The following SPECC1 variants were observed in gnomAD, a reference collection of about 807,000 sequenced individuals.
The protein encoded by SPECC1 is cytospin-B.
A neutral mutation model predicts 104.1 loss-of-function variants in SPECC1; 62 were observed. The observed-to-expected ratio is 0.60, with a 90% CI of 0.49 to 0.74. SPECC1 has a LOEUF of 0.74. SPECC1 is among the 30% of genes least tolerant of loss of function. The pLI is 0.00. For synonymous variants in SPECC1, 513 were observed against 501.6 expected, an observed-to-expected ratio of 1.02 and a Z score of -0.30; for missense variants, 1,306 against 1,310.5, an observed-to-expected ratio of 1.00 and a Z score of 0.05.
intron 7 of SPECC1, among the ~76,000 whole-genome samples, chr17:20,240,060 A>AATTTT (rs1346205628): frequency 1.2e-4 from 4 of 32,180 alleles, no homozygotes; most frequent in Non-Finnish European, 2.1e-4. Flanking sequence ...TGTCCAGCTA[A>AATTTT]TTTTTTTTTT....
At chr17:20,156,095 C>T (rs1345830766) in intron 3 of SPECC1, 9 of 1,351,048 alleles carry the variant, frequency 6.7e-6, no homozygotes, top group Admixed American at 7.9e-5. Flanking sequence ...GGAGCGGACC[C>T]GCCGGACGCA....
At chr17:20,298,948 A>AGAGAGAGAGTGTGTGTGTGTGT in intron 13 of SPECC1, among the ~76,000 whole-genome samples, 19 of 49,056 alleles carry the variant, frequency 3.9e-4, no homozygotes, top group African/African-American at 8.3e-4. Context: ...AGAGAGAGAG[A>AGAGAGAGAGTGTGTGTGTGTGT]GTGTGTGTGT....
At chr17:20,095,468 G>A (rs911049163) in intron 1 of SPECC1, among the ~76,000 whole-genome samples, 3 of 152,216 alleles carry the variant, frequency 2.0e-5, no homozygotes, top group Admixed American at 2.0e-4. Context: ...CTGGACACAC[G>A]CCACCAGCTG....
At chr17:20,145,754 T>A (rs2031393750) in intron 3 of SPECC1, among the ~76,000 whole-genome samples, 2 of 152,262 alleles carry the variant, frequency 1.3e-5, no homozygotes, top group South Asian at 4.1e-4. Flanking sequence ...ACAGGCCACC[T>A]TCTCTCAGGG....
chr17:20,104,144 C>T (rs1438596483), intron 2 of SPECC1, among the ~76,000 whole-genome samples: 1 of 152,114 alleles, frequency 6.6e-6, no homozygotes, highest in Non-Finnish European at 1.5e-5. Flanking sequence ...TTGACATTTA[C>T]CCTGGGCCCT....
rs1430250718 is a variant in SPECC1, at chr17:20,302,771, C to T, written c.3058-3252C>T. Among the ~76,000 whole-genome samples, 4 of 111,280 alleles carry T rather than the reference C, an allele frequency of 3.6e-5. No homozygotes were observed. In the East Asian group the frequency reaches 1.0e-3, roughly 28 times the overall value. 73.0% of individuals were successfully genotyped at this position (111,280 alleles called of 152,430 possible). A position where few individuals can be genotyped will look rare whatever the true frequency, so the allele number is the denominator to read the frequency against. ...CATGCAGCACACTGTGAAAACACAG[C>T]GGTGCCAGGCGTTGTGGCAACATGC... On this transcript the variant is annotated intron_variant, in intron 13 of 14. Coordinates refer to ENST00000395527, the MANE Select transcript of SPECC1 (RefSeq NM_001243439.2).
At chr17:20,071,697 G>C (rs2046560561) in intron 1 of SPECC1, among the ~76,000 whole-genome samples, 1 of 152,074 alleles carries the variant, frequency 6.6e-6, no homozygotes, top group African/African-American at 2.4e-5. Context: ...AGATGCTATT[G>C]TAAGTAGGAT....
chr17:20,107,018 G>A (rs568079974), intron 2 of SPECC1, among the ~76,000 whole-genome samples: 1 of 151,442 alleles, frequency 6.6e-6, no homozygotes, highest in South Asian at 2.1e-4. Context: ...TCAGCCAGGT[G>A]TGGAGGCACA....
chr17:20,306,121 G>A, intron 14 of SPECC1, 39 bp downstream of exon 14: 1 of 1,579,224 alleles, frequency 6.3e-7, no homozygotes. Flanking sequence ...TACTTTAATT[G>A]TATGAGAAAT....
chr17:20,246,355 T>C (rs770697046), intron 8 of SPECC1, among the ~76,000 whole-genome samples: 1 of 152,224 alleles, frequency 6.6e-6, no homozygotes. Flanking sequence ...CTGCCTCTCA[T>C]AGCCATTAAA....
chr17:20,105,954 G>T (rs1417738559), intron 2 of SPECC1, among the ~76,000 whole-genome samples: 1 of 152,150 alleles, frequency 6.6e-6, no homozygotes, highest in African/African-American at 2.4e-5. Flanking sequence ...GGATTTCCTG[G>T]TTTATTCTGG....
At chr17:20,156,844 G>A (rs1285481495) in intron 3 of SPECC1, among the ~76,000 whole-genome samples, 1 of 152,164 alleles carries the variant, frequency 6.6e-6, no homozygotes, top group Non-Finnish European at 1.5e-5. Context: ...AGAGTTAGAT[G>A]CCGATAAGCA....
At chr17:20,044,857 T>G (rs2045475295) in intron 1 of SPECC1, among the ~76,000 whole-genome samples, 1 of 152,198 alleles carries the variant, frequency 6.6e-6, no homozygotes, top group South Asian at 2.1e-4. Flanking sequence ...GGATAGAACC[T>G]AAAAGGAAAG....
At chr17:20,211,765 T>G (rs1036607961) in intron 4 of SPECC1, among the ~76,000 whole-genome samples, 3 of 152,248 alleles carry the variant, frequency 2.0e-5, no homozygotes, top group Non-Finnish European at 4.4e-5. Flanking sequence ...ACAGAACCTG[T>G]GGCTCCGACC....
chr17:20,247,314 A>G lies in SPECC1; in HGVS notation c.2593A>G (p.Met865Val), dbSNP rs775048264. 3.8e-5 allele frequency: 62 copies of G among 1,610,848 alleles called. 1 individual carries two copies. The highest frequency in any genetic ancestry group is 3.3e-4 in the Admixed American group (20 of 59,882). Residue 865 changes from methionine to valine, a missense_variant, in exon 9 of 15, where the codon ATG (methionine) becomes GTG (valine). Coordinates refer to ENST00000395527, the MANE Select transcript of SPECC1 (RefSeq NM_001243439.2). The part of the protein sequence containing the change: ...RTAPAAAVSP[M>V]QRHSTYSSVR... Reference sequence around the variant, plus strand: ...TGCTCCAGCAGCTGCTGTCTCTCCAATGCAGGTAGATGAGCCCCAGAAATA... The same window carrying G: ...TGCTCCAGCAGCTGCTGTCTCTCCAGTGCAGGTAGATGAGCCCCAGAAATA...
At chr17:20,083,844 G>A (rs2047073954) in intron 1 of SPECC1, among the ~76,000 whole-genome samples, 1 of 152,202 alleles carries the variant, frequency 6.6e-6, no homozygotes, top group Admixed American at 6.5e-5. Context: ...ATTTCCGCCA[G>A]CAATGTATTA....
intron 12 of SPECC1, among the ~76,000 whole-genome samples, chr17:20,267,061 T>C (rs527933949): frequency 6.6e-6 from 1 of 152,162 alleles, no homozygotes; most frequent in East Asian, 1.9e-4. Flanking sequence ...TGGCCCAGGA[T>C]TGAGACCCAG....
At chr17:20,307,561 G>A (rs2041805047) in intron 14 of SPECC1, among the ~76,000 whole-genome samples, 2 of 152,220 alleles carry the variant, frequency 1.3e-5, no homozygotes, top group African/African-American at 4.8e-5. Context: ...AGCTGCAAGG[G>A]CATTTGAGGA....
intron 4 of SPECC1, among the ~76,000 whole-genome samples, chr17:20,219,500 TG>T (rs1249660663): frequency 2.0e-5 from 3 of 152,210 alleles, no homozygotes; most frequent in Non-Finnish European, 4.4e-5. Flanking sequence ...TAAGATCTTT[TG>T]CCCACTGTTT....
Sources: gnomAD v4.1 joint callset for allele counts (sites outside exome capture counted in the v4.1 genomes callset) on GRCh38, gnomAD v4.1.1 for gene constraint, MANE v1.5 for transcripts, NCBI Gene and HGNC (gene_info 2026-07-23, HGNC 2026-07-21) for gene names.